PIK3C2G: variants seen among roughly 807,000 people sequenced by gnomAD.
PIK3C2G encodes the protein phosphatidylinositol-4-phosphate 3-kinase catalytic subunit type 2 gamma.
PIK3C2G carries 168 observed loss-of-function variants against 181.1 expected under a neutral mutation model. The ratio of observed to expected loss-of-function variants is 0.93; its 90% CI spans 0.82 to 1.05. The LOEUF is 1.05. Among genes scored for constraint, PIK3C2G ranks in the 50% least tolerant of loss-of-function variants. The pLI is 0.00. For synonymous variants in PIK3C2G, 573 were observed against 592.2 expected (o/e 0.97, Z 0.47); for missense variants, 1,869 against 1,732.8 (o/e 1.08, Z -1.40).
chr12:18,523,533 G>T (rs1028073028), intron 24 of PIK3C2G, among the ~76,000 whole-genome samples: 3 of 152,174 alleles, frequency 2.0e-5, no homozygotes, highest in Non-Finnish European at 2.9e-5. Context: ...GTGCCTCCTA[G>T]CATGGGGAAG....
chr12:18,341,947 T>TA lies in PIK3C2G; in HGVS notation c.1396-1379dup, dbSNP rs151179896. ...AAGATGAAGAATTATATGACAAACA[T>TA]ACTTGTACTCTATTTTATTCTCTGA... On this transcript the variant is annotated intron_variant, in intron 9 of 32. Transcript: ENST00000538779. Among the ~76,000 whole-genome samples, 1,309 of 152,238 alleles carry TA rather than the reference T, an allele frequency of 8.6e-3. 19 individuals carry two copies. The highest frequency in any genetic ancestry group is 0.03 in the African/African-American group (1,249 of 41,552).
At chr12:18,383,831 G>T (rs1942993493) in intron 14 of PIK3C2G, among the ~76,000 whole-genome samples, 2 of 151,436 alleles carry the variant, frequency 1.3e-5, no homozygotes, top group African/African-American at 4.8e-5. Context: ...TGAGACAGAG[G>T]CTCACTCTGT....
intron 7 of PIK3C2G, among the ~76,000 whole-genome samples, chr12:18,323,374 A>G (rs1278150105): frequency 6.6e-6 from 1 of 152,194 alleles, no homozygotes; most frequent in Non-Finnish European, 1.5e-5. Context: ...AAGGAAACTA[A>G]AAACAGAAGT....
chr12:18,656,786 A>G, the PIK3C2G span, among the ~76,000 whole-genome samples: 2 of 152,174 alleles, frequency 1.3e-5, no homozygotes, highest in Non-Finnish European at 2.9e-5. Flanking sequence ...TTATACAGGC[A>G]GAAACGGTCA....
chr12:18,648,545 A>G (rs932932038), downstream of PIK3C2G: 4 of 168,704 alleles, frequency 2.4e-5, no homozygotes, highest in African/African-American at 4.8e-5. Flanking sequence ...TCAGAAAACC[A>G]AAACATAAAT....
Position 18,468,238 on chromosome 12 carries a change from A to T in PIK3C2G, c.2505-20211A>T, listed in dbSNP as rs139348643. ...GTCTGCAATTTTTTTGTTTACTCTC[A>T]CAAGAACTGAGATTGCTGGTCCAGA... is the stretch of plus-strand genomic sequence containing the variant. On this transcript the variant is annotated intron_variant, in intron 18 of 32. Coordinates refer to ENST00000538779, the MANE Select transcript of PIK3C2G (RefSeq NM_001288772.2). Among the ~76,000 whole-genome samples the T allele has an allele frequency of 7.2e-3, 1,090 of 152,096 alleles. 22 individuals carry two copies. The South Asian group carries it at 0.076, about 11-fold the overall frequency.
chr12:18,322,423 A>T (rs1951155590), intron 7 of PIK3C2G, among the ~76,000 whole-genome samples: 1 of 151,632 alleles, frequency 6.6e-6, no homozygotes, highest in Non-Finnish European at 1.5e-5. Context: ...ATAATAAAAT[A>T]AAATTAAGTT....
chr12:18,500,448 G>A (rs1941361311), intron 22 of PIK3C2G, among the ~76,000 whole-genome samples: 1 of 152,170 alleles, frequency 6.6e-6, no homozygotes, highest in Admixed American at 6.5e-5. Flanking sequence ...GTGCTCCTGT[G>A]CAGCCGAGCC....
At chr12:18,462,521 C>T (rs1947973633) in intron 18 of PIK3C2G, among the ~76,000 whole-genome samples, 1 of 152,114 alleles carries the variant, frequency 6.6e-6, no homozygotes. Context: ...TCTCGACTAT[C>T]TTAGTTCAGG....
intron 24 of PIK3C2G, among the ~76,000 whole-genome samples, chr12:18,531,656 T>C (rs1217561942): frequency 9.9e-5 from 15 of 152,220 alleles, no homozygotes; most frequent in Non-Finnish European, 4.4e-5. Context: ...ATTGATTGGC[T>C]CTTTTCACAC....
At chr12:18,548,079 A>G (rs1375785793) in intron 26 of PIK3C2G, among the ~76,000 whole-genome samples, 2 of 151,730 alleles carry the variant, frequency 1.3e-5, no homozygotes, top group African/African-American at 4.8e-5. Context: ...CGAGTACAAA[A>G]CTCCATCCCA....
At position 18,476,693 on chromosome 12, in the gene PIK3C2G, C is replaced by A. The variant is rs150907764; in HGVS notation, c.2505-11756C>A. Among the ~76,000 whole-genome samples, 53 of 152,166 alleles carry A rather than the reference C, an allele frequency of 3.5e-4. No homozygotes were observed. The East Asian group carries it at 9.9e-3, about 28-fold the overall frequency. On this transcript the variant is annotated intron_variant, in intron 18 of 32. Coordinates refer to ENST00000538779, the MANE Select transcript of PIK3C2G (RefSeq NM_001288772.2). ...AAGGTGAGAGAAGGGCCAAGGATAA[C>A]AGCCTCATTTTTAGTTAGGGTGATG...
chr12:18,604,379 C>A (rs758066046), intron 30 of PIK3C2G, among the ~76,000 whole-genome samples: 2 of 152,098 alleles, frequency 1.3e-5, no homozygotes, highest in Non-Finnish European at 2.9e-5. Context: ...AACACTGGGG[C>A]TCCCAAAGTT....
chr12:18,706,156 C>T, the PIK3C2G span, among the ~76,000 whole-genome samples: 2,401 of 151,474 alleles, frequency 0.016, 71 homozygotes, highest in African/African-American at 0.055. Flanking sequence ...TTGCTTGAAC[C>T]GGGAGGTGGA....
At chr12:18,280,912 G>A (rs1392964216) in intron 1 of PIK3C2G, among the ~76,000 whole-genome samples, 1 of 151,978 alleles carries the variant, frequency 6.6e-6, no homozygotes, top group African/African-American at 2.4e-5. Flanking sequence ...TACAAGGACT[G>A]GTGGATTATT....
chr12:18,329,112 G>A (rs916483836), intron 8 of PIK3C2G, among the ~76,000 whole-genome samples: 9 of 151,818 alleles, frequency 5.9e-5, no homozygotes, highest in Non-Finnish European at 1.2e-4. Context: ...AACACTCTCA[G>A]ACTTGAAGAA....
intron 31 of PIK3C2G, among the ~76,000 whole-genome samples, chr12:18,622,621 G>C (rs1456565909): frequency 6.6e-6 from 1 of 151,864 alleles, no homozygotes; most frequent in African/African-American, 2.4e-5. Context: ...TAGTTTCTGA[G>C]GAACTTCCAT....
At chr12:18,369,640 CAT>C (rs1336908063) in intron 12 of PIK3C2G, among the ~76,000 whole-genome samples, 5 of 82,920 alleles carry the variant, frequency 6.0e-5, no homozygotes, top group Non-Finnish European at 8.8e-5. Flanking sequence ...GTATAATTGA[CAT>C]ATGATCATAT....
chr12:18,705,073 T>C, the PIK3C2G span: 60 of 1,476,406 alleles, frequency 4.1e-5, no homozygotes, highest in African/African-American at 5.8e-4. Flanking sequence ...AGCATTTTCA[T>C]TGGTCTCTAG....
Sources: gnomAD v4.1 joint callset for allele counts (sites outside exome capture counted in the v4.1 genomes callset) on GRCh38, gnomAD v4.1.1 for gene constraint, MANE v1.5 for transcripts, NCBI Gene and HGNC (gene_info 2026-07-23, HGNC 2026-07-21) for gene names.